Variants in LTBP1 observed in about 807,000 individuals in gnomAD.
The protein encoded by LTBP1 is latent-transforming growth factor beta-binding protein 1.
LTBP1 carries 129 observed loss-of-function variants against 207.6 expected under a neutral mutation model. The observed-to-expected ratio is 0.62, with a 90% confidence interval of 0.54 to 0.72. The LOEUF (loss-of-function observed/expected upper bound fraction) is 0.72, where lower values mean the gene tolerates loss of function less well. Ranked by LOEUF, LTBP1 falls within the 30% of genes least tolerant of loss-of-function variation. The probability of loss-of-function intolerance (pLI) is 0.00; values close to 1 mark genes in which losing one functional copy is unlikely to be tolerated. For missense variants in LTBP1, 2,281 were observed against 2,217.2 expected (o/e 1.03, Z -0.58); for synonymous variants, 963 against 833.7 (o/e 1.16, Z -2.67).
intron 3 of LTBP1, among the ~76,000 whole-genome samples, chr2:33,071,302 A>G (rs1220525110): frequency 6.6e-6 from 1 of 152,238 alleles, no homozygotes; most frequent in Non-Finnish European, 1.5e-5. Context: ...TGCCTTCCTC[A>G]CAGTGAATGA....
At chr2:33,326,508 AC>A (rs1254029321) in intron 24 of LTBP1, among the ~76,000 whole-genome samples, 3 of 147,482 alleles carry the variant, frequency 2.0e-5, no homozygotes, top group Non-Finnish European at 4.4e-5. Flanking sequence ...TAAAAAAAAA[AC>A]AATCTAAACT....
intron 24 of LTBP1, among the ~76,000 whole-genome samples, chr2:33,329,759 T>G (rs1193206628): frequency 1.3e-5 from 2 of 152,160 alleles, no homozygotes; most frequent in Admixed American, 1.3e-4. Flanking sequence ...TTTGTACCAT[T>G]TGTACATTGT....
chr2:33,172,966 G>C (rs1370447601), intron 5 of LTBP1, among the ~76,000 whole-genome samples: 1 of 152,004 alleles, frequency 6.6e-6, no homozygotes, highest in South Asian at 2.1e-4. Flanking sequence ...CGAGAACAAA[G>C]ACACAACATA....
intron 2 of LTBP1, among the ~76,000 whole-genome samples, chr2:33,009,303 C>G (rs756513483): frequency 2.0e-5 from 3 of 152,086 alleles, no homozygotes; most frequent in Non-Finnish European, 4.4e-5. Flanking sequence ...ATAGTGATAA[C>G]TTGGTGTTGT....
chr2:33,065,705 G>C (rs60914316), intron 3 of LTBP1, among the ~76,000 whole-genome samples: 20,397 of 152,170 alleles, frequency 0.13, 1,617 homozygotes, highest in African/African-American at 0.21. Context: ...TCATGGTTAT[G>C]ATGGCCTCCA....
intron 22 of LTBP1, 125 bp from the exon 23 acceptor site, chr2:33,309,309 G>A (rs925447513): frequency 1.8e-5 from 10 of 547,674 alleles, no homozygotes; most frequent in East Asian, 4.1e-5. Flanking sequence ...TTAAAAAGTT[G>A]TCATGTATTT....
At chr2:33,328,784 A>G (rs1433251383) in intron 24 of LTBP1, among the ~76,000 whole-genome samples, 1 of 152,202 alleles carries the variant, frequency 6.6e-6, no homozygotes, top group Non-Finnish European at 1.5e-5. Context: ...TGTAATCATA[A>G]TATGTACTCC....
chr2:33,176,918 G>A (rs776030507), intron 5 of LTBP1, among the ~76,000 whole-genome samples: 7 of 152,124 alleles, frequency 4.6e-5, no homozygotes, highest in Non-Finnish European at 8.8e-5. Context: ...GATGGCTAAC[G>A]TTTGCTGAGT....
chr2:33,104,630 AT>A (rs1171672448), intron 3 of LTBP1, among the ~76,000 whole-genome samples: 1 of 151,992 alleles, frequency 6.6e-6, no homozygotes, highest in Non-Finnish European at 1.5e-5. Flanking sequence ...GGCCTCCTAT[AT>A]TCTCTTTATG....
intron 15 of LTBP1, among the ~76,000 whole-genome samples, chr2:33,270,551 C>G (rs1420072817): frequency 3.6e-5 from 5 of 137,020 alleles, no homozygotes; most frequent in Admixed American, 3.3e-4. Context: ...GATCGTGCCA[C>G]TGCACTCCAG....
At chr2:33,398,281 A>G (rs1333888723) in intron 33 of LTBP1, 83 bp from the exon 34 acceptor site, 2 of 1,296,220 alleles carry the variant, frequency 1.5e-6, no homozygotes, top group Non-Finnish European at 2.2e-6. Flanking sequence ...GGTCGGGGGA[A>G]GGGCCTCAGG....
At chr2:33,097,685 T>G (rs2079471654) in intron 3 of LTBP1, among the ~76,000 whole-genome samples, 1 of 152,214 alleles carries the variant, frequency 6.6e-6, no homozygotes, top group African/African-American at 2.4e-5. Flanking sequence ...ATAATTATCT[T>G]TAACTTTTTT....
chr2:33,226,060 A>G (rs895126793), intron 9 of LTBP1, among the ~76,000 whole-genome samples: 3 of 152,214 alleles, frequency 2.0e-5, no homozygotes, highest in Non-Finnish European at 4.4e-5. Flanking sequence ...TTTAAAAATT[A>G]TTCTGATTTT....
intron 7 of LTBP1, among the ~76,000 whole-genome samples, chr2:33,216,867 A>C (rs542133312): frequency 9.2e-5 from 14 of 152,248 alleles, no homozygotes; most frequent in African/African-American, 3.1e-4. Flanking sequence ...ACCTGGTCTT[A>C]ACACTGGACA....
At chr2:33,042,433 A>C (rs1231612009) in intron 3 of LTBP1, among the ~76,000 whole-genome samples, 1 of 152,212 alleles carries the variant, frequency 6.6e-6, no homozygotes, top group Non-Finnish European at 1.5e-5. Flanking sequence ...ACAGGAGGAC[A>C]GAGCAAAGGG....
chr2:33,166,884 T>A (rs2084965610), intron 5 of LTBP1, among the ~76,000 whole-genome samples: 1 of 152,230 alleles, frequency 6.6e-6, no homozygotes, highest in Non-Finnish European at 1.5e-5. Flanking sequence ...TGCTGTGTGA[T>A]TTTAAGCAGT....
At chr2:33,355,991 T>A (rs2094853858) in intron 26 of LTBP1, among the ~76,000 whole-genome samples, 2 of 151,970 alleles carry the variant, frequency 1.3e-5, no homozygotes, top group Admixed American at 1.3e-4. Context: ...CCATCTGAAG[T>A]TATCCACTTT....
chr2:33,272,799 G>T (rs944069402), intron 15 of LTBP1, among the ~76,000 whole-genome samples: 3 of 152,120 alleles, frequency 2.0e-5, no homozygotes. Flanking sequence ...TCTTACAAAG[G>T]ACATTGGAAA....
chr2:33,262,228 A>G (rs2093033375), intron 13 of LTBP1, among the ~76,000 whole-genome samples: 1 of 152,224 alleles, frequency 6.6e-6, no homozygotes, highest in African/African-American at 2.4e-5. Flanking sequence ...AAAGAAGGCC[A>G]TAGTAACTGA....
Sources: allele counts gnomAD v4.1 joint callset (sites outside exome capture counted in the v4.1 genomes callset), GRCh38; gene constraint gnomAD v4.1.1; transcripts MANE v1.5; gene names NCBI Gene and HGNC (gene_info 2026-07-23, HGNC 2026-07-21).